Variants in CSMD1 observed in about 807,000 individuals in gnomAD.
The protein encoded by CSMD1 is CUB and sushi domain-containing protein 1.
Under a neutral mutation model 417.5 loss-of-function variants are expected in CSMD1, and 213 were observed. The ratio of observed to expected loss-of-function variants is 0.51; its 90% CI spans 0.46 to 0.57. The LOEUF (loss-of-function observed/expected upper bound fraction) is 0.57, where lower values mean the gene tolerates loss of function less well. Ranked by LOEUF, CSMD1 falls within the 20% of genes least tolerant of loss-of-function variation. The pLI is 0.00. For synonymous variants in CSMD1, 2,862 were observed against 1,736.8 expected (o/e 1.65, Z -16.11); for missense variants, 6,923 against 4,529.7 (o/e 1.53, Z -15.17).
At chr8:4,405,175 A>G (rs942348912) in intron 3 of CSMD1, among the ~76,000 whole-genome samples, 37 of 152,216 alleles carry the variant, frequency 2.4e-4, no homozygotes, top group African/African-American at 8.2e-4. Context: ...TCCACCATAA[A>G]TCCTTTGTCA....
intron 2 of CSMD1, among the ~76,000 whole-genome samples, chr8:4,553,454 T>TG (rs959995357): frequency 5.3e-5 from 8 of 152,092 alleles, no homozygotes; most frequent in Non-Finnish European, 8.8e-5. Flanking sequence ...TTTTTTTTTT[T>TG]TTTTACAAAT....
rs207468915 is a variant in CSMD1, at chr8:4,042,610, C to T, written c.416-10511G>A. On this transcript the variant is annotated intron_variant, in intron 3 of 69. Transcript: ENST00000635120. ...AATTCCAAGCACCAGGAATGATACC[C>T]GTATGGGGAATTATAAAATATATTT... Among the ~76,000 whole-genome samples, 31 of 151,566 alleles carry T rather than the reference C, an allele frequency of 2.0e-4. 1 individual carries two copies. Among genetic ancestry groups the T allele is most frequent in the Admixed American group, 8.6e-4 (13 of 15,194 alleles).
chr8:4,785,033 C>A (rs555538586), intron 1 of CSMD1, among the ~76,000 whole-genome samples: 22 of 152,260 alleles, frequency 1.4e-4, no homozygotes, highest in Non-Finnish European at 3.1e-4. Context: ...GTTCTGGGCA[C>A]TGAATTATTA....
At chr8:4,327,604 C>A (rs572413609) in intron 3 of CSMD1, among the ~76,000 whole-genome samples, 26 of 152,132 alleles carry the variant, frequency 1.7e-4, no homozygotes, top group Admixed American at 1.2e-3. Flanking sequence ...GTTACCAAGT[C>A]AGAAAGGGGA....
At chr8:3,083,284 T>G (rs1448242452) in intron 49 of CSMD1, among the ~76,000 whole-genome samples, 1 of 151,910 alleles carries the variant, frequency 6.6e-6, no homozygotes, top group East Asian at 1.9e-4. Context: ...TCTCTGCTTG[T>G]AAATTAAAAT....
intron 5 of CSMD1, among the ~76,000 whole-genome samples, chr8:3,977,014 C>T (rs932421161): frequency 1.3e-5 from 2 of 152,138 alleles, no homozygotes; most frequent in Non-Finnish European, 2.9e-5. Context: ...CGTGAAGGTG[C>T]CTGCAGGGAA....
intron 8 of CSMD1, among the ~76,000 whole-genome samples, chr8:3,597,679 C>T (rs1343024489): frequency 2.0e-5 from 3 of 152,234 alleles, no homozygotes; most frequent in African/African-American, 7.2e-5. Context: ...AGTTCATGTC[C>T]TTTGCAGGGA....
intron 1 of CSMD1, among the ~76,000 whole-genome samples, chr8:4,989,281 G>T (rs922929419): frequency 1.4e-5 from 2 of 146,494 alleles, no homozygotes; most frequent in African/African-American, 5.0e-5. Context: ...AGTAAAAAAA[G>T]AAAAAAAAAA....
At chr8:3,083,018 G>C (rs1459647738) in intron 49 of CSMD1, among the ~76,000 whole-genome samples, 1 of 152,126 alleles carries the variant, frequency 6.6e-6, no homozygotes, top group Non-Finnish European at 1.5e-5. Flanking sequence ...TTTGAAAATT[G>C]TTTTTCCCAC....
chr8:3,746,107 A>G lies in CSMD1; in HGVS notation c.931+7823T>C, dbSNP rs573365820. Among the ~76,000 whole-genome samples the G allele has an allele frequency of 4.8e-4, 73 of 152,348 alleles. No homozygotes were observed. In the South Asian group the frequency reaches 0.015, roughly 32 times the overall value. ...AATAAACATGAAACATTGTCTGCAG[A>G]TTTGGCCAACGATATTGCCTGCATG... On this transcript the variant is annotated intron_variant, in intron 6 of 69. Transcript: ENST00000635120.
chr8:3,906,649 A>T (rs764527702), intron 5 of CSMD1, among the ~76,000 whole-genome samples: 5 of 151,420 alleles, frequency 3.3e-5, no homozygotes, highest in Non-Finnish European at 7.4e-5. Flanking sequence ...TCAGATTTGC[A>T]AAGTACACCT....
chr8:3,752,333 G>C (rs73498804), intron 6 of CSMD1, among the ~76,000 whole-genome samples: 1,906 of 152,242 alleles, frequency 0.013, 39 homozygotes, highest in African/African-American at 0.043. Flanking sequence ...GGCAATCTAA[G>C]ATGGACAATG....
intron 2 of CSMD1, among the ~76,000 whole-genome samples, chr8:4,420,949 T>C (rs577181269): frequency 9.6e-4 from 146 of 152,336 alleles, no homozygotes; most frequent in South Asian, 3.1e-3. Flanking sequence ...TCTTATCTGG[T>C]ACAATTCACG....
intron 49 of CSMD1, 137 bp from the exon 50 acceptor site, chr8:3,052,784 TC>T (rs59807695): frequency 0.44 from 197,658 of 453,710 alleles, 25,486 homozygotes; most frequent in East Asian, 0.56. Context: ...TTTTTTTCTT[TC>T]TTTTTTTTTT....
intron 12 of CSMD1, among the ~76,000 whole-genome samples, chr8:3,465,276 C>G (rs555417579): frequency 6.6e-6 from 1 of 152,132 alleles, no homozygotes; most frequent in African/African-American, 2.4e-5. Context: ...CTGAAAAATG[C>G]TCCTAAAAGG....
chr8:4,734,361 C>A (rs902317852), intron 1 of CSMD1, among the ~76,000 whole-genome samples: 14 of 151,826 alleles, frequency 9.2e-5, no homozygotes, highest in Non-Finnish European at 1.6e-4. Context: ...TTATTTAGAG[C>A]TTCCTCTGAG....
At chr8:3,531,720 A>G (rs1048885619) in intron 10 of CSMD1, among the ~76,000 whole-genome samples, 3 of 152,224 alleles carry the variant, frequency 2.0e-5, no homozygotes, top group African/African-American at 7.2e-5. Flanking sequence ...TGTAACACAA[A>G]AAAACCCCAA....
At chr8:4,147,032 G>A (rs755644930) in intron 3 of CSMD1, among the ~76,000 whole-genome samples, 1 of 151,876 alleles carries the variant, frequency 6.6e-6, no homozygotes, top group Non-Finnish European at 1.5e-5. Flanking sequence ...CAGAGATCGG[G>A]GGTTTTCTGG....
intron 3 of CSMD1, among the ~76,000 whole-genome samples, chr8:4,088,840 A>G (rs1052048804): frequency 6.6e-6 from 1 of 152,012 alleles, no homozygotes; most frequent in Non-Finnish European, 1.5e-5. Flanking sequence ...CTCTGGAATC[A>G]CTAGTCTCCT....
Sources: allele counts gnomAD v4.1 joint callset (sites outside exome capture counted in the v4.1 genomes callset), GRCh38; gene constraint gnomAD v4.1.1; transcripts MANE v1.5; gene names NCBI Gene and HGNC (gene_info 2026-07-23, HGNC 2026-07-21).